CCDC169: variants seen among roughly 807,000 people sequenced by gnomAD.
CCDC169 encodes coiled-coil domain-containing protein 169.
CCDC169 carries 30 observed loss-of-function variants against 36.0 expected under a neutral mutation model. The observed-to-expected ratio is 0.83, with a 90% CI of 0.62 to 1.13. The LOEUF (loss-of-function observed/expected upper bound fraction) is 1.13, where lower values mean the gene tolerates loss of function less well. Among genes scored for constraint, CCDC169 ranks in the 50% most tolerant of loss-of-function variants. CCDC169 has a pLI of 0.00. For missense variants in CCDC169, 245 were observed against 245.9 expected, an observed-to-expected ratio of 1.00 and a Z score of 0.03; for synonymous variants, 85 against 81.5, an observed-to-expected ratio of 1.04 and a Z score of -0.23.
chr13:36,271,591 A>G (rs1876068293), intron 4 of CCDC169, among the ~76,000 whole-genome samples: 1 of 152,204 alleles, frequency 6.6e-6, no homozygotes, highest in African/African-American at 2.4e-5. Flanking sequence ...AAAGGAATGA[A>G]ATAATGTCTT....
chr13:36,252,929 T>C (rs1028955568), intron 6 of CCDC169, among the ~76,000 whole-genome samples: 45 of 152,264 alleles, frequency 3.0e-4, no homozygotes, highest in African/African-American at 1.1e-3. Flanking sequence ...TACTAAAATA[T>C]GTGGTGAATG....
At chr13:36,267,293 G>C (rs1271157507) in intron 4 of CCDC169, 1 of 152,172 alleles carries the variant, frequency 6.6e-6, no homozygotes, top group East Asian at 1.9e-4. Context: ...GAAAAGATAA[G>C]AGTCCTATCT....
downstream of CCDC169, among the ~76,000 whole-genome samples, chr13:36,229,782 A>T (rs1870223027): frequency 6.6e-6 from 1 of 152,080 alleles, no homozygotes; most frequent in South Asian, 2.1e-4. Context: ...GACTCAAGTG[A>T]TCTGCCTGCC....
At chr13:36,240,648 G>T (rs1234170689) in intron 7 of CCDC169, 1 of 1,282,566 alleles carries the variant, frequency 7.8e-7, no homozygotes, top group South Asian at 1.2e-5. Flanking sequence ...TTCCTTTAGG[G>T]CTTTTAGTCA....
In CCDC169 at chr13:36,230,854, T is replaced by G. The variant is rs999217981; in HGVS notation, c.*339A>C. 1.0e-6 allele frequency: 1 copy of G among 1,002,146 alleles called. No homozygotes were observed. The highest frequency in any genetic ancestry group is 4.6e-5 in the South Asian group (1 of 21,556). The allele number at this position is 1,002,146 out of a possible 1,614,324, so 62.1% of individuals were successfully genotyped here. On this transcript the variant is annotated 3_prime_UTR_variant, in exon 8 of 8. Transcript: ENST00000239859. ...GCAAAAAGGTTTTATGAATACACAC[T>G]TTTTGCTAACAGTCAACTAGAAACC...
intron 2 of CCDC169, among the ~76,000 whole-genome samples, chr13:36,285,541 C>T (rs200019234): frequency 1.3e-5 from 2 of 148,838 alleles, no homozygotes; most frequent in East Asian, 3.9e-4. Context: ...CATAGCTAGT[C>T]TGCATCTCAA....
At chr13:36,296,848 G>A (rs555306005) in intron 1 of CCDC169, among the ~76,000 whole-genome samples, 6 of 152,216 alleles carry the variant, frequency 3.9e-5, no homozygotes, top group Non-Finnish European at 8.8e-5. Flanking sequence ...TGAGAAAACT[G>A]AGGATTAAAG....
intron 2 of CCDC169, among the ~76,000 whole-genome samples, chr13:36,288,243 T>A (rs1878480832): frequency 6.6e-6 from 1 of 152,050 alleles, no homozygotes; most frequent in Non-Finnish European, 1.5e-5. Context: ...CTCGATCTTC[T>A]GACCTCATTA....
downstream of CCDC169, among the ~76,000 whole-genome samples, chr13:36,227,654 TACA>T (rs1438677374): frequency 6.6e-6 from 1 of 152,230 alleles, no homozygotes. Context: ...TTAACATTTT[TACA>T]ACAACTTTAC....
intron 4 of CCDC169, among the ~76,000 whole-genome samples, chr13:36,273,433 C>T (rs954319141): frequency 3.9e-5 from 6 of 152,034 alleles, no homozygotes; most frequent in Non-Finnish European, 8.8e-5. Context: ...AGTGAACACA[C>T]CAAATGATGT....
chr13:36,254,269 T>TGTTTA, intron 4 of CCDC169, 126 bp from the exon 5 acceptor site: 18 of 522,284 alleles, frequency 3.4e-5, no homozygotes, highest in African/African-American at 4.2e-5. Flanking sequence ...AATTCTATGA[T>TGTTTA]ATGTACTTTT....
chr13:36,281,271 A>G (rs183264890), intron 4 of CCDC169: 4 of 445,214 alleles, frequency 9.0e-6, no homozygotes, highest in Non-Finnish European at 1.8e-5. Context: ...CTGTCACATG[A>G]GGAAAAAAAA....
At chr13:36,243,946 A>G (rs1453004523) in intron 7 of CCDC169, among the ~76,000 whole-genome samples, 2 of 152,248 alleles carry the variant, frequency 1.3e-5, no homozygotes, top group African/African-American at 4.8e-5. Flanking sequence ...GGTGACACAC[A>G]TATGTGTATG....
In CCDC169 at chr13:36,295,956, A is replaced by G. The variant is rs1879426293; in HGVS notation, c.84-99T>C. The G allele has an allele frequency of 1.2e-5, 8 of 655,720 alleles. No individual in the cohort carries two copies. In the South Asian group the frequency reaches 1.5e-4, roughly 12 times the overall value. The allele number at this position is 655,720 out of a possible 1,614,324, so 40.6% of individuals were successfully genotyped here. A position where few individuals can be genotyped will look rare whatever the true frequency, so the allele number is the denominator to read the frequency against. ...ACTACTACTTCAGGAACAATTTACT[A>G]TGACACATTATTTACTGAAGGACTG... On this transcript the variant is annotated intron_variant, in intron 1 of 7. Transcript: ENST00000239859.
At chr13:36,246,444 T>C (rs947896070) in intron 7 of CCDC169, among the ~76,000 whole-genome samples, 1 of 152,176 alleles carries the variant, frequency 6.6e-6, no homozygotes, top group Non-Finnish European at 1.5e-5. Context: ...ACCACAATAT[T>C]CTCTTAAGCC....
intron 4 of CCDC169, among the ~76,000 whole-genome samples, chr13:36,277,977 A>C (rs920901197): frequency 5.3e-5 from 8 of 152,004 alleles, no homozygotes; most frequent in African/African-American, 1.9e-4. Context: ...TAAATATCTA[A>C]TGAATTCTAT....
intron 7 of CCDC169, among the ~76,000 whole-genome samples, chr13:36,243,567 A>G (rs9546856): frequency 0.41 from 61,394 of 150,966 alleles, 13,165 homozygotes; most frequent in Non-Finnish European, 0.48. Flanking sequence ...AGCACCTTGG[A>G]AGGCCAAGGC....
chr13:36,288,737 G>C (rs989564706), intron 2 of CCDC169, among the ~76,000 whole-genome samples: 2 of 152,010 alleles, frequency 1.3e-5, no homozygotes, highest in South Asian at 4.2e-4. Flanking sequence ...TAATTCAAAG[G>C]TTATTTAAAA....
At chr13:36,232,113 G>A (rs887046244) in intron 7 of CCDC169, among the ~76,000 whole-genome samples, 6 of 152,180 alleles carry the variant, frequency 3.9e-5, no homozygotes, top group Non-Finnish European at 8.8e-5. Flanking sequence ...GAGCTTTGTA[G>A]CATTTTAACT....
Sources: gnomAD v4.1 joint callset for allele counts (sites outside exome capture counted in the v4.1 genomes callset) on GRCh38, gnomAD v4.1.1 for gene constraint, MANE v1.5 for transcripts, NCBI Gene and HGNC (gene_info 2026-07-23, HGNC 2026-07-21) for gene names.